The following AAMDC variants were observed in gnomAD, a reference collection of about 807,000 sequenced individuals.
AAMDC encodes adipogenesis associated Mth938 domain containing, also known as mth938 domain-containing protein.
AAMDC carries 16 observed loss-of-function variants against 15.5 expected under a neutral mutation model. That is an observed-to-expected ratio of 1.03 (90% CI 0.70 to 1.57). AAMDC has a LOEUF of 1.57. Ranked by LOEUF, AAMDC falls within the 40% of genes most tolerant of loss-of-function variation. The pLI is 0.00. For synonymous variants in AAMDC, 51 were observed against 51.6 expected (o/e 0.99, Z 0.05); for missense variants, 141 against 144.9 (o/e 0.97, Z 0.14).
intron 2 of AAMDC, among the ~76,000 whole-genome samples, chr11:77,863,042 A>G (rs1950949311): frequency 6.6e-6 from 1 of 151,994 alleles, no homozygotes; most frequent in African/African-American, 2.4e-5. Flanking sequence ...CGCTTCTAAG[A>G]TGGTGGCAAG....
intron 1 of AAMDC, among the ~76,000 whole-genome samples, chr11:77,827,696 C>T (rs900232710): frequency 1.3e-5 from 2 of 152,152 alleles, no homozygotes; most frequent in Non-Finnish European, 2.9e-5. Context: ...TTCCTCCCTC[C>T]TAAGGTCAGG....
At chr11:77,835,971 A>ACT (rs1199649905) in intron 1 of AAMDC, among the ~76,000 whole-genome samples, 1 of 152,192 alleles carries the variant, frequency 6.6e-6, no homozygotes, top group African/African-American at 2.4e-5. Flanking sequence ...TGAATTGAAG[A>ACT]ATACATGCTG....
chr11:77,887,951 A>C (rs2136378758), intron 5 of AAMDC, among the ~76,000 whole-genome samples: 2 of 152,368 alleles, frequency 1.3e-5, no homozygotes, highest in East Asian at 3.9e-4. Flanking sequence ...AAAACATTCC[A>C]TGCTCATGGG....
At chr11:77,871,415 G>A (rs561214752) in intron 3 of AAMDC, among the ~76,000 whole-genome samples, 1 of 152,202 alleles carries the variant, frequency 6.6e-6, no homozygotes, top group East Asian at 1.9e-4. Context: ...GTGACGGTGC[G>A]ATAAACAAGA....
intron 1 of AAMDC, among the ~76,000 whole-genome samples, chr11:77,832,279 A>T (rs1949464588): frequency 6.6e-6 from 1 of 151,920 alleles, no homozygotes. Flanking sequence ...ATATAAATTT[A>T]TTCTTTGAGT....
chr11:77,828,685 A>T (rs570342860), intron 1 of AAMDC, among the ~76,000 whole-genome samples: 1 of 152,046 alleles, frequency 6.6e-6, no homozygotes, highest in African/African-American at 2.4e-5. Flanking sequence ...AAAAAAAAAA[A>T]AGAAAGAAAA....
At chr11:77,863,988 G>A (rs981721242) in intron 2 of AAMDC, among the ~76,000 whole-genome samples, 24 of 151,032 alleles carry the variant, frequency 1.6e-4, no homozygotes, top group African/African-American at 4.9e-4. Context: ...GTTCAGTGGC[G>A]CGATCCTGGC....
chr11:77,868,532 T>C (rs943462964), intron 2 of AAMDC, among the ~76,000 whole-genome samples: 11 of 151,278 alleles, frequency 7.3e-5, no homozygotes, highest in African/African-American at 2.7e-4. Flanking sequence ...CTAATTTTTG[T>C]ATTTTTAGTT....
chr11:77,888,286 T>C (rs1271329215), intron 5 of AAMDC, among the ~76,000 whole-genome samples: 1 of 152,194 alleles, frequency 6.6e-6, no homozygotes, highest in Non-Finnish European at 1.5e-5. Flanking sequence ...TACAACCATC[T>C]GATCTTTGAC....
intron 5 of AAMDC, chr11:77,879,109 A>G (rs1161842205): frequency 6.2e-7 from 1 of 1,614,130 alleles, no homozygotes; most frequent in Non-Finnish European, 8.5e-7. Context: ...CAGCAGCCTC[A>G]CTTCCACCTG....
chr11:77,869,554 G>C (rs1237137129), intron 2 of AAMDC, 168 bp from the exon 3 acceptor site: 1 of 558,306 alleles, frequency 1.8e-6, no homozygotes, highest in African/African-American at 1.9e-5. Context: ...TAGGTTCAAG[G>C]GATCCTGCCT....
At chr11:77,828,574 G>A (rs905207467) in intron 1 of AAMDC, among the ~76,000 whole-genome samples, 17 of 151,616 alleles carry the variant, frequency 1.1e-4, no homozygotes, top group South Asian at 4.2e-4. Context: ...GGGAGGCTGC[G>A]GCGGAAGAAT....
At chr11:77,824,226 CAATT>C (rs1949068877) in intron 1 of AAMDC, among the ~76,000 whole-genome samples, 1 of 152,132 alleles carries the variant, frequency 6.6e-6, no homozygotes, top group Non-Finnish European at 1.5e-5. Context: ...AGCTTAACGA[CAATT>C]TATGTAGTTA....
chr11:77,840,921 A>C (rs1949904895), intron 1 of AAMDC: 1 of 398,176 alleles, frequency 2.5e-6, no homozygotes, highest in African/African-American at 2.0e-5. Flanking sequence ...TAAATGTCTT[A>C]ATCCATTTTG....
At chr11:77,901,468 C>A (rs1195583023), downstream of AAMDC, 2 of 1,613,968 alleles carry the variant, frequency 1.2e-6, no homozygotes, top group African/African-American at 1.3e-5. Context: ...CTTTGGCCTG[C>A]AGCCTCATGT....
At chr11:77,877,289 C>T (rs1458896300), downstream of AAMDC, among the ~76,000 whole-genome samples, 2 of 152,294 alleles carry the variant, frequency 1.3e-5, no homozygotes, top group Admixed American at 1.3e-4. Flanking sequence ...TACAACACTG[C>T]CAGGTACACC....
chr11:77,821,430 G>T (rs1411486217), intron 1 of AAMDC, among the ~76,000 whole-genome samples, 189 bp downstream of exon 1: 1 of 152,182 alleles, frequency 6.6e-6, no homozygotes, highest in South Asian at 2.1e-4. Flanking sequence ...CTCTGTGGAA[G>T]TTTGCCGACG....
intron 1 of AAMDC, among the ~76,000 whole-genome samples, chr11:77,826,964 G>A (rs1353051040): frequency 6.6e-6 from 1 of 152,128 alleles, no homozygotes; most frequent in African/African-American, 2.4e-5. Flanking sequence ...AATTAGCCGG[G>A]TGTGGTGGCA....
At chr11:77,852,620 C>T (rs889390899) in intron 2 of AAMDC, among the ~76,000 whole-genome samples, 1 of 152,140 alleles carries the variant, frequency 6.6e-6, no homozygotes, top group African/African-American at 2.4e-5. Context: ...CTTAGAAAGT[C>T]TTATTCACCT....
Sources: gnomAD v4.1 joint callset for allele counts (sites outside exome capture counted in the v4.1 genomes callset) on GRCh38, gnomAD v4.1.1 for gene constraint, MANE v1.5 for transcripts, NCBI Gene and HGNC (gene_info 2026-07-23, HGNC 2026-07-21) for gene names.